PTPRG: variants seen among roughly 807,000 people sequenced by gnomAD.
PTPRG encodes receptor-type tyrosine-protein phosphatase gamma.
A neutral mutation model predicts 165.3 loss-of-function variants in PTPRG; 102 were observed. The ratio of observed to expected loss-of-function variants is 0.62; its 90% CI spans 0.53 to 0.73. The LOEUF (loss-of-function observed/expected upper bound fraction) is 0.73. Among genes scored for constraint, PTPRG ranks in the 30% least tolerant of loss-of-function variants. PTPRG has a pLI of 0.00. For synonymous variants in PTPRG, 675 were observed against 669.5 expected (o/e 1.01, Z -0.13); for missense variants, 1,866 against 1,861.4 (o/e 1.00, Z -0.05).
intron 2 of PTPRG, among the ~76,000 whole-genome samples, chr3:61,832,400 CA>C (rs2036325303): frequency 6.6e-6 from 1 of 152,296 alleles, no homozygotes; most frequent in East Asian, 1.9e-4. Context: ...GTACTGTGAT[CA>C]TCTTCAGAAC....
At chr3:61,793,169 G>A (rs2034939432) in intron 2 of PTPRG, among the ~76,000 whole-genome samples, 2 of 152,182 alleles carry the variant, frequency 1.3e-5, no homozygotes, top group Admixed American at 6.5e-5. Context: ...CTTCCTGTCT[G>A]TCCCTGCTTC....
chr3:61,671,842 G>C (rs1379624373), intron 1 of PTPRG, among the ~76,000 whole-genome samples: 1 of 145,988 alleles, frequency 6.8e-6, no homozygotes, highest in East Asian at 2.1e-4. Context: ...AGTAGGGGCG[G>C]CCGGGCAGAG....
intron 2 of PTPRG, among the ~76,000 whole-genome samples, chr3:61,827,123 G>A (rs2036137007): frequency 6.6e-6 from 1 of 152,186 alleles, no homozygotes; most frequent in African/African-American, 2.4e-5. Context: ...ATCCTCTATA[G>A]TCAGGGAAGT....
chr3:62,208,414 T>C (rs1041750464), intron 12 of PTPRG, among the ~76,000 whole-genome samples: 2 of 152,176 alleles, frequency 1.3e-5, no homozygotes, highest in South Asian at 4.1e-4. Context: ...GGATTTTCCA[T>C]TTTTGTTTCC....
intron 5 of PTPRG, among the ~76,000 whole-genome samples, chr3:62,084,953 G>A (rs1189204901): frequency 6.6e-6 from 1 of 152,132 alleles, no homozygotes; most frequent in African/African-American, 2.4e-5. Context: ...AGGCTCCATT[G>A]TCTAGATTGG....
chr3:61,804,754 G>C (rs1365240239), intron 2 of PTPRG, among the ~76,000 whole-genome samples: 2 of 151,472 alleles, frequency 1.3e-5, no homozygotes, highest in Non-Finnish European at 2.9e-5. Context: ...TTAAACAAAA[G>C]TTCACGTTTC....
chr3:61,612,174 C>A (rs1701189546), intron 1 of PTPRG, among the ~76,000 whole-genome samples: 1 of 152,140 alleles, frequency 6.6e-6, no homozygotes, highest in South Asian at 2.1e-4. Context: ...AACTCCTGAC[C>A]TCAGGTGATC....
Position 61,921,154 on chromosome 3 carries a change from T to TCCTTCCTTCCTTCCTTCCTTCCTTCTTA in PTPRG, c.191-68462_191-68461insCTTCCTTCCTTCCTTCTTACCTTCCTTC, listed in dbSNP as rs1259687591. Among the ~76,000 whole-genome samples, 6 of 150,908 alleles carry TCCTTCCTTCCTTCCTTCCTTCCTTCTTA rather than the reference T, an allele frequency of 4.0e-5. No individual in the cohort carries two copies. The South Asian group carries it at 1.1e-3, about 27-fold the overall frequency. On this transcript the variant is annotated intron_variant, in intron 2 of 29. Coordinates refer to ENST00000474889, the MANE Select transcript of PTPRG (RefSeq NM_002841.4). ...TTCCTTCCTTCCTTCCTTCCTTCCT[T>TCCTTCCTTCCTTCCTTCCTTCCTTCTTA]CCTTCCTTCTTACCTATCTACAGCT...
At chr3:62,124,065 CTT>C in intron 5 of PTPRG, 7 of 464,756 alleles carry the variant, frequency 1.5e-5, no homozygotes, top group Admixed American at 3.6e-5. Flanking sequence ...TTTTCCTTCC[CTT>C]TTTTTTTTCT....
rs965513123 is a variant in PTPRG, at chr3:62,229,803, C to T, written c.2289-1422C>T. On this transcript the variant is annotated intron_variant, in intron 13 of 29. Transcript: ENST00000474889. The surrounding 1 kb of genome is among the most constrained non-coding windows in gnomAD (Gnocchi z 4.6). ...TCTCAGCAAAAGTGTTGTCAGTTTA[C>T]GGGTGGTAGTTTTAAGCGCCTGTGA... Among the ~76,000 whole-genome samples the T allele has an allele frequency of 4.6e-5, 7 of 152,246 alleles. No homozygotes were observed. In the East Asian group the frequency reaches 7.7e-4, roughly 17 times the overall value.
At chr3:62,138,216 TAA>T (rs760478203) in intron 6 of PTPRG, among the ~76,000 whole-genome samples, 4 of 152,190 alleles carry the variant, frequency 2.6e-5, no homozygotes, top group Admixed American at 1.3e-4. Flanking sequence ...TTCCATAGTC[TAA>T]AATAAATATA....
In PTPRG at chr3:61,991,653, C is replaced by T. The variant is rs113143056; in HGVS notation, c.370+1849C>T. On this transcript the variant is annotated intron_variant, in intron 3 of 29. Transcript: ENST00000474889. ...TAACCGCAATGAGATTATTTCTCTT[C>T]ATACCATCTAAATGTAGTGGGCGAG... Among the ~76,000 whole-genome samples, 7 of 152,316 alleles carry T rather than the reference C, an allele frequency of 4.6e-5. 1 individual carries two copies. Among genetic ancestry groups the T allele is most frequent in the African/African-American group, 1.7e-4 (7 of 41,574 alleles).
At chr3:61,905,952 C>T (rs111396306) in intron 2 of PTPRG, among the ~76,000 whole-genome samples, 3 of 152,264 alleles carry the variant, frequency 2.0e-5, no homozygotes, top group Admixed American at 6.5e-5. Flanking sequence ...AGAAAATATT[C>T]TCTTATGAAA....
chr3:61,860,575 G>A (rs149158005), intron 2 of PTPRG, among the ~76,000 whole-genome samples: 3 of 151,412 alleles, frequency 2.0e-5, no homozygotes, highest in East Asian at 3.9e-4. Flanking sequence ...GGAGTAGATG[G>A]GATTACAGGC....
intron 2 of PTPRG, among the ~76,000 whole-genome samples, chr3:61,944,261 C>T (rs909504532): frequency 6.6e-5 from 10 of 152,158 alleles, no homozygotes; most frequent in African/African-American, 2.2e-4. Flanking sequence ...GCAGAACCAC[C>T]CTGGCTGAGA....
chr3:62,058,829 T>A (rs1575948605), intron 4 of PTPRG, among the ~76,000 whole-genome samples: 2 of 152,332 alleles, frequency 1.3e-5, no homozygotes, highest in South Asian at 2.1e-4. Context: ...CCCAGTGATC[T>A]GAACCCACTG....
At chr3:61,684,812 G>T (rs1470625508) in intron 1 of PTPRG, among the ~76,000 whole-genome samples, 1 of 152,158 alleles carries the variant, frequency 6.6e-6, no homozygotes, top group African/African-American at 2.4e-5. Flanking sequence ...AGTTGACTGG[G>T]AAAGGCTTCC....
intron 6 of PTPRG, among the ~76,000 whole-genome samples, chr3:62,133,365 T>A (rs749264848): frequency 6.6e-6 from 1 of 152,186 alleles, no homozygotes; most frequent in Non-Finnish European, 1.5e-5. Context: ...ATAATCTAAT[T>A]AGAATTCCAG....
At chr3:61,732,858 G>A (rs2032568895) in intron 1 of PTPRG, among the ~76,000 whole-genome samples, 1 of 152,162 alleles carries the variant, frequency 6.6e-6, no homozygotes, top group South Asian at 2.1e-4. Flanking sequence ...ATGCCTGCGT[G>A]GAACATTCCC....
Sources: gnomAD v4.1 joint callset for allele counts (sites outside exome capture counted in the v4.1 genomes callset) on GRCh38, gnomAD v4.1.1 for gene constraint, Gnocchi (gnomAD v3.1) non-coding constraint, MANE v1.5 for transcripts, NCBI Gene and HGNC (gene_info 2026-07-23, HGNC 2026-07-21) for gene names.